The following CACNB2 variants were observed in gnomAD, a reference collection of about 807,000 sequenced individuals.
The protein encoded by CACNB2 is voltage-dependent L-type calcium channel subunit beta-2.
A neutral mutation model predicts 73.3 loss-of-function variants in CACNB2; 42 were observed. The observed-to-expected ratio is 0.57, with a 90% CI of 0.45 to 0.74. The LOEUF (loss-of-function observed/expected upper bound fraction) is 0.74, where lower values mean the gene tolerates loss of function less well. Among genes scored for constraint, CACNB2 ranks in the 30% least tolerant of loss-of-function variants. The probability of loss-of-function intolerance (pLI) is 0.00; values close to 1 mark genes in which losing one functional copy is unlikely to be tolerated. For synonymous variants in CACNB2, 348 were observed against 310.3 expected (o/e 1.12, Z -1.28); for missense variants, 940 against 853.0 (o/e 1.10, Z -1.27).
intron 2 of CACNB2, among the ~76,000 whole-genome samples, chr10:18,355,711 G>A (rs1434278949): frequency 3.3e-5 from 5 of 149,824 alleles, no homozygotes; most frequent in East Asian, 2.0e-4. Context: ...ATCTCGGCTC[G>A]CTGCAACATT....
intron 2 of CACNB2, among the ~76,000 whole-genome samples, chr10:18,344,335 A>G (rs1023881102): frequency 6.6e-6 from 1 of 151,704 alleles, no homozygotes; most frequent in Non-Finnish European, 1.5e-5. Context: ...GTCGCAATAG[A>G]GATTTGCAGT....
intron 9 of CACNB2, chr10:18,519,984 G>A (rs563512504): frequency 4.3e-4 from 136 of 318,160 alleles, no homozygotes; most frequent in Non-Finnish European, 6.6e-4. Context: ...CTATCACACT[G>A]ACTGCTCCTT....
intron 3 of CACNB2, among the ~76,000 whole-genome samples, chr10:18,468,622 G>A (rs1032181537): frequency 2.6e-5 from 4 of 152,004 alleles, no homozygotes; most frequent in Non-Finnish European, 5.9e-5. Context: ...GTTTTGAGAC[G>A]GAGTTTTACT....
At chr10:18,343,009 G>A (rs1035461628) in intron 2 of CACNB2, among the ~76,000 whole-genome samples, 1 of 151,976 alleles carries the variant, frequency 6.6e-6, no homozygotes, top group Non-Finnish European at 1.5e-5. Flanking sequence ...TCAAATGCAG[G>A]AAACACATTT....
intron 6 of CACNB2, among the ~76,000 whole-genome samples, chr10:18,509,833 C>T (rs1196333285): frequency 1.3e-5 from 2 of 152,012 alleles, no homozygotes; most frequent in Non-Finnish European, 2.9e-5. Context: ...GTTCCCAAGG[C>T]TCTCTATCAC....
In CACNB2 at chr10:18,407,109, C is replaced by CTTTTTTT. The variant is rs71507267; in HGVS notation, c.333+5091_333+5097dup. On this transcript the variant is annotated intron_variant, in intron 3 of 13. Coordinates refer to ENST00000324631, the MANE Select transcript of CACNB2 (RefSeq NM_201596.3). ...CTAAAGTCCAGACCTGCTGTTCTGT[C>CTTTTTTT]TTTTTTTTTTTTTTTTTTTTTTTTT... Among the ~76,000 whole-genome samples the CTTTTTTT allele has an allele frequency of 2.9e-3, 103 of 35,610 alleles. 25 individuals carry two copies. The highest frequency in any genetic ancestry group is 6.1e-3 in the African/African-American group (55 of 8,996). The allele number at this position is 35,610 out of a possible 152,430, so 23.4% of individuals were successfully genotyped here.
chr10:18,346,326 G>A (rs2041453496), intron 2 of CACNB2, among the ~76,000 whole-genome samples: 1 of 151,952 alleles, frequency 6.6e-6, no homozygotes, highest in South Asian at 2.1e-4. Flanking sequence ...GTTTAGTAGA[G>A]ACGGGCTTTC....
At chr10:18,455,567 G>T (rs773124887) in intron 3 of CACNB2, among the ~76,000 whole-genome samples, 1 of 152,170 alleles carries the variant, frequency 6.6e-6, no homozygotes, top group Non-Finnish European at 1.5e-5. Flanking sequence ...GTATAAAGTT[G>T]GTGTAGAAAA....
chr10:18,150,877 T>TTTTTTTTTTTTTTTTTTTTTTC lies in CACNB2; in HGVS notation c.121-3_121-2insTTTTTTTTTTTTTTTTTTCTTT. 7.4e-7 allele frequency: 1 copy of TTTTTTTTTTTTTTTTTTTTTTC among 1,342,614 alleles called. No homozygotes were observed. The highest frequency in any genetic ancestry group is 2.4e-5 in the East Asian group (1 of 41,874). 83.2% of individuals were successfully genotyped at this position (1,342,614 alleles called of 1,614,324 possible). A position where few individuals can be genotyped will look rare whatever the true frequency, so the allele number is the denominator to read the frequency against. Reference sequence around the variant, plus strand: ...TGTCTTTTTTTTTTTTTTTTTTTTTTTTTAGTCATATGGAAAAGGAGCCAG... The same window carrying TTTTTTTTTTTTTTTTTTTTTTC: ...TGTCTTTTTTTTTTTTTTTTTTTTTTTTTTTTTTTTTTTTTTTTTTTCTTTAGTCATATGGAAAAGGAGCCAG... On this transcript the variant is annotated splice_polypyrimidine_tract_variant and splice_region_variant and intron_variant, in intron 1 of 13. Coordinates refer to ENST00000324631, the MANE Select transcript of CACNB2 (RefSeq NM_201596.3).
intron 9 of CACNB2, among the ~76,000 whole-genome samples, chr10:18,526,445 C>T (rs2052477733): frequency 6.6e-6 from 1 of 152,190 alleles, no homozygotes; most frequent in Admixed American, 6.5e-5. Flanking sequence ...TGTCACCTGG[C>T]TATTTGATAT....
chr10:18,412,004 A>C (rs1469790620), intron 3 of CACNB2, among the ~76,000 whole-genome samples: 21 of 152,162 alleles, frequency 1.4e-4, no homozygotes, highest in Admixed American at 1.4e-3. Flanking sequence ...CTTTCTGGTT[A>C]GTTGGTGACC....
chr10:18,479,211 CAT>C (rs1357746883), intron 3 of CACNB2, among the ~76,000 whole-genome samples: 1 of 152,062 alleles, frequency 6.6e-6, no homozygotes, highest in Non-Finnish European at 1.5e-5. Context: ...TATTATATAA[CAT>C]ATATAATCTG....
chr10:18,182,865 C>T (rs1623474), intron 2 of CACNB2, among the ~76,000 whole-genome samples: 59,988 of 151,296 alleles, frequency 0.4, 12,551 homozygotes, highest in African/African-American at 0.55. Flanking sequence ...TCACCTGAAG[C>T]GTTAACATTA....
intron 2 of CACNB2, among the ~76,000 whole-genome samples, chr10:18,247,398 G>A (rs537056292): frequency 6.6e-6 from 1 of 152,118 alleles, no homozygotes; most frequent in African/African-American, 2.4e-5. Flanking sequence ...TTACTTCTCC[G>A]CTTCATCATA....
At chr10:18,384,731 AAAC>A (rs1307981574) in intron 2 of CACNB2, among the ~76,000 whole-genome samples, 7 of 150,908 alleles carry the variant, frequency 4.6e-5, no homozygotes, top group Non-Finnish European at 3.0e-5. Flanking sequence ...CCCTGTCTCA[AAAC>A]AACAACAACA....
At chr10:18,444,246 G>A (rs1327307962) in intron 3 of CACNB2, among the ~76,000 whole-genome samples, 2 of 152,074 alleles carry the variant, frequency 1.3e-5, no homozygotes, top group African/African-American at 4.8e-5. Flanking sequence ...GCCCCAGAGA[G>A]CTTCCTCATC....
intron 1 of CACNB2, among the ~76,000 whole-genome samples, chr10:18,147,545 A>C (rs899070392): frequency 6.6e-6 from 1 of 152,154 alleles, no homozygotes; most frequent in African/African-American, 2.4e-5. Flanking sequence ...ACTACAGCCA[A>C]ATCCCCTTTC....
intron 1 of CACNB2, among the ~76,000 whole-genome samples, chr10:18,149,676 T>C (rs1053650252): frequency 1.3e-5 from 2 of 152,190 alleles, no homozygotes; most frequent in African/African-American, 4.8e-5. Flanking sequence ...CCAAATAGCA[T>C]TTTGAGAACC....
At chr10:18,246,685 A>G (rs1323567638) in intron 2 of CACNB2, among the ~76,000 whole-genome samples, 1 of 152,074 alleles carries the variant, frequency 6.6e-6, no homozygotes, top group Non-Finnish European at 1.5e-5. Context: ...GGCTCAAGTG[A>G]TCCTCCCGCC....
Sources: gnomAD v4.1 joint callset for allele counts (sites outside exome capture counted in the v4.1 genomes callset) on GRCh38, gnomAD v4.1.1 for gene constraint, MANE v1.5 for transcripts, NCBI Gene and HGNC (gene_info 2026-07-23, HGNC 2026-07-21) for gene names.